The following HTR1F variants were observed in gnomAD, a reference collection of about 807,000 sequenced individuals.
HTR1F encodes 5-hydroxytryptamine (serotonin) receptor 1F, G protein-coupled.
A neutral mutation model predicts 24.0 loss-of-function variants in HTR1F; 17 were observed. That is an observed-to-expected ratio of 0.71 (90% CI 0.48 to 1.06). The LOEUF is 1.06. HTR1F is among the 50% of genes least tolerant of loss of function. The probability of loss-of-function intolerance (pLI) is 0.00; values close to 1 mark genes in which losing one functional copy is unlikely to be tolerated. For synonymous variants in HTR1F, 186 were observed against 156.8 expected, an observed-to-expected ratio of 1.19 and a Z score of -1.39; for missense variants, 391 against 427.8, an observed-to-expected ratio of 0.91 and a Z score of 0.76.
At chr3:87,847,015 G>C (rs1044829378) in intron 2 of HTR1F, among the ~76,000 whole-genome samples, 1 of 150,364 alleles carries the variant, frequency 6.7e-6, no homozygotes. Flanking sequence ...AGATATATTG[G>C]GGAAAAATAA....
chr3:87,843,799 T>C (rs1441729291), intron 2 of HTR1F, among the ~76,000 whole-genome samples: 19 of 151,574 alleles, frequency 1.3e-4, no homozygotes, highest in Non-Finnish European at 1.5e-5. Flanking sequence ...GTTCTTGCGA[T>C]AGTTTACTGA....
intron 2 of HTR1F, among the ~76,000 whole-genome samples, chr3:87,888,278 T>C (rs991639097): frequency 6.6e-6 from 1 of 152,098 alleles, no homozygotes; most frequent in Non-Finnish European, 1.5e-5. Context: ...ATGAGAACAC[T>C]TGGATACAGG....
intron 2 of HTR1F, among the ~76,000 whole-genome samples, chr3:87,951,346 T>A (rs1389518159): frequency 6.6e-6 from 1 of 152,122 alleles, no homozygotes; most frequent in African/African-American, 2.4e-5. Context: ...TTTTAGTTCA[T>A]CTTCTTAGCA....
intron 2 of HTR1F, among the ~76,000 whole-genome samples, chr3:87,867,493 G>A (rs1432728218): frequency 6.6e-6 from 1 of 151,526 alleles, no homozygotes; most frequent in Non-Finnish European, 1.5e-5. Context: ...CTTTTAAGTG[G>A]CAAAAATTGA....
intron 2 of HTR1F, among the ~76,000 whole-genome samples, chr3:87,880,993 C>T (rs1045057690): frequency 6.6e-6 from 1 of 152,186 alleles, no homozygotes; most frequent in Non-Finnish European, 1.5e-5. Context: ...CTCCAGTCTG[C>T]AGTTCCCAGT....
chr3:87,983,272 AAT>A (rs1417521710), intron 2 of HTR1F, among the ~76,000 whole-genome samples: 1 of 152,210 alleles, frequency 6.6e-6, no homozygotes, highest in African/African-American at 2.4e-5. Flanking sequence ...GATTTAAAAA[AAT>A]AGGGAAAAGA....
At chr3:87,930,476 G>C (rs1169246616) in intron 2 of HTR1F, among the ~76,000 whole-genome samples, 3 of 152,152 alleles carry the variant, frequency 2.0e-5, no homozygotes, top group African/African-American at 7.2e-5. Flanking sequence ...CCAGTCTATT[G>C]AGAGTTTTTA....
In HTR1F at chr3:87,843,017, G is replaced by C. The variant is rs568708533; in HGVS notation, c.-43+20893G>C. The stretch of plus-strand genomic sequence containing the variant: ...TTTCCCAGTTCGGACAAGCTTGTGT[G>C]ACCTCTATCTTCAAAGCATGCAAAG... On this transcript the variant is annotated intron_variant, in intron 2 of 2. Coordinates refer to ENST00000319595, the MANE Select transcript of HTR1F (RefSeq NM_001322209.2). Among the ~76,000 whole-genome samples, 3 of 151,960 alleles carry C rather than the reference G, an allele frequency of 2.0e-5. No homozygotes were observed. The South Asian group carries it at 6.2e-4, about 32-fold the overall frequency.
intron 2 of HTR1F, among the ~76,000 whole-genome samples, chr3:87,842,386 A>T (rs1394202071): frequency 6.6e-6 from 1 of 150,508 alleles, no homozygotes; most frequent in African/African-American, 2.5e-5. Context: ...CTGATCTTGA[A>T]CTCCTGACCT....
chr3:87,946,048 G>A (rs61553705), intron 2 of HTR1F, among the ~76,000 whole-genome samples: 5,369 of 152,224 alleles, frequency 0.035, 295 homozygotes, highest in African/African-American at 0.12. Context: ...CGTGGGTCAC[G>A]GAAGAGAACC....
At chr3:87,838,141 T>C (rs563872364) in intron 2 of HTR1F, among the ~76,000 whole-genome samples, 61 of 152,240 alleles carry the variant, frequency 4.0e-4, no homozygotes, top group Non-Finnish European at 6.8e-4. Context: ...CTTAATGATA[T>C]AATAATTGCT....
At chr3:87,926,505 T>C (rs186886084) in intron 2 of HTR1F, among the ~76,000 whole-genome samples, 25 of 152,334 alleles carry the variant, frequency 1.6e-4, no homozygotes, top group Middle Eastern at 3.4e-3. Context: ...TTTGATGAGA[T>C]ATTGTTCATT....
chr3:87,954,569 G>T (rs1704904109), intron 2 of HTR1F, among the ~76,000 whole-genome samples: 1 of 151,586 alleles, frequency 6.6e-6, no homozygotes, highest in Non-Finnish European at 1.5e-5. Flanking sequence ...TAAAGCAAAA[G>T]AAAATTTAAG....
At position 87,873,133 on chromosome 3, in the gene HTR1F, C is replaced by CACACACACAGAGAG. The variant is rs370152361; in HGVS notation, c.-43+51010_-43+51011insCACACACAGAGAGA. Among the ~76,000 whole-genome samples the CACACACACAGAGAG allele has an allele frequency of 4.0e-3, 518 of 130,254 alleles. 4 individuals are homozygous for CACACACACAGAGAG. The highest frequency in any genetic ancestry group is 0.011 in the African/African-American group (427 of 38,114). 85.5% of individuals were successfully genotyped at this position (130,254 alleles called of 152,430 possible). A position where few individuals can be genotyped will look rare whatever the true frequency, so the allele number is the denominator to read the frequency against. On this transcript the variant is annotated intron_variant, in intron 2 of 2. Transcript: ENST00000319595. ...ACACACACACACACACACACACACACAGAGAGATTTATGAGATTTATTATA... is the reference window on the plus strand; with the variant it reads ...ACACACACACACACACACACACACACACACACACAGAGAGAGAGAGATTTATGAGATTTATTATA...
intron 2 of HTR1F, among the ~76,000 whole-genome samples, chr3:87,890,541 CT>C (rs79894798): frequency 0.16 from 21,057 of 134,440 alleles, 1,734 homozygotes; most frequent in Non-Finnish European, 0.21. Flanking sequence ...CTCCTGATGC[CT>C]TTTTTTTTTT....
chr3:87,947,251 C>T (rs1308926399), intron 2 of HTR1F, among the ~76,000 whole-genome samples: 1 of 152,036 alleles, frequency 6.6e-6, no homozygotes, highest in South Asian at 2.1e-4. Context: ...AAGGACAATG[C>T]TAAATAGAAG....
chr3:87,864,192 C>A (rs1027256534), intron 2 of HTR1F, among the ~76,000 whole-genome samples: 6 of 152,142 alleles, frequency 3.9e-5, no homozygotes, highest in African/African-American at 1.4e-4. Flanking sequence ...TTCCTTAATT[C>A]CATTTTTTCA....
intron 1 of HTR1F, among the ~76,000 whole-genome samples, chr3:87,795,596 C>T (rs1258726550): frequency 6.6e-6 from 1 of 152,094 alleles, no homozygotes; most frequent in African/African-American, 2.4e-5. Flanking sequence ...CTTTCAGTGG[C>T]CAGGTCCAGA....
chr3:87,983,366 C>G (rs889549171), intron 2 of HTR1F, among the ~76,000 whole-genome samples: 2 of 152,204 alleles, frequency 1.3e-5, no homozygotes. Flanking sequence ...TTTCCCATCT[C>G]TCTCAGTAAG....
Sources: allele counts gnomAD v4.1 joint callset (sites outside exome capture counted in the v4.1 genomes callset), GRCh38; gene constraint gnomAD v4.1.1; transcripts MANE v1.5; gene names NCBI Gene and HGNC (gene_info 2026-07-23, HGNC 2026-07-21).